ANKRD44: variants seen among roughly 807,000 people sequenced by gnomAD.
ANKRD44 encodes the protein ankyrin repeat domain 44, also known as serine/threonine-protein phosphatase 6 regulatory ankyrin repeat subunit B.
In ANKRD44, 35 loss-of-function variants were observed where a neutral mutation model predicts 116.0. That is an observed-to-expected ratio of 0.30 (90% CI 0.23 to 0.40). ANKRD44 has a LOEUF of 0.40. Among genes scored for constraint, ANKRD44 ranks in the 10% least tolerant of loss-of-function variants. The pLI is 1.00. For synonymous variants in ANKRD44, 435 were observed against 461.8 expected (o/e 0.94, Z 0.74); for missense variants, 1,014 against 1,242.6 (o/e 0.82, Z 2.77).
At chr2:197,122,213 T>A (rs940549373) in intron 7 of ANKRD44, among the ~76,000 whole-genome samples, 7 of 152,194 alleles carry the variant, frequency 4.6e-5, no homozygotes, top group African/African-American at 1.7e-4. Flanking sequence ...GCCTCACCAC[T>A]GCTCCTGTTC....
intron 3 of ANKRD44, among the ~76,000 whole-genome samples, chr2:197,144,976 G>A (rs1468178723): frequency 6.6e-6 from 1 of 152,182 alleles, no homozygotes; most frequent in African/African-American, 2.4e-5. Flanking sequence ...GAGACTCTGA[G>A]AGGTCTATTA....
chr2:197,147,155 G>T (rs1451738297), intron 2 of ANKRD44, 50 bp from the exon 3 acceptor site: 14 of 1,526,086 alleles, frequency 9.2e-6, no homozygotes, highest in Non-Finnish European at 1.2e-5. Context: ...GCAGCTGGAG[G>T]TCCCTTTTGT....
intron 16 of ANKRD44, among the ~76,000 whole-genome samples, chr2:197,039,663 G>C (rs1303356825): frequency 7.3e-6 from 1 of 136,890 alleles, no homozygotes; most frequent in Non-Finnish European, 1.6e-5. Context: ...GTGTGTGGTG[G>C]TGATTGTGTG....
chr2:197,013,384 G>A, intron 18 of ANKRD44, 127 bp downstream of exon 18: 1 of 1,043,198 alleles, frequency 9.6e-7, no homozygotes, highest in Non-Finnish European at 1.4e-6. Context: ...AAGTGTGGAA[G>A]TGCATCTGAT....
chr2:197,180,903 G>A (rs1317182391), intron 2 of ANKRD44, among the ~76,000 whole-genome samples: 1 of 152,064 alleles, frequency 6.6e-6, no homozygotes, highest in Non-Finnish European at 1.5e-5. Context: ...CATATTACAA[G>A]CTTGCTATTG....
At chr2:197,151,509 T>G (rs1020780992) in intron 2 of ANKRD44, among the ~76,000 whole-genome samples, 1 of 152,014 alleles carries the variant, frequency 6.6e-6, no homozygotes, top group Non-Finnish European at 1.5e-5. Flanking sequence ...TACCAAAACA[T>G]GATGCTAGAC....
At chr2:196,979,851 C>T (rs1382944544) in intron 21 of ANKRD44, among the ~76,000 whole-genome samples, 1 of 151,954 alleles carries the variant, frequency 6.6e-6, no homozygotes, top group African/African-American at 2.4e-5. Flanking sequence ...CATGAGCCAC[C>T]GTGCCCGGCC....
intron 16 of ANKRD44, among the ~76,000 whole-genome samples, chr2:197,077,376 C>T (rs370216764): frequency 1.4e-3 from 219 of 152,224 alleles, no homozygotes; most frequent in African/African-American, 5.1e-3. Context: ...GAACCCTTTC[C>T]TCCTGTCTTA....
At chr2:197,211,455 A>G (rs902853869) in intron 1 of ANKRD44, among the ~76,000 whole-genome samples, 1 of 152,226 alleles carries the variant, frequency 6.6e-6, no homozygotes, top group African/African-American at 2.4e-5. Context: ...TACCTGTAAC[A>G]GAAGACAAGA....
chr2:197,211,883 C>A (rs1349496743), intron 1 of ANKRD44, among the ~76,000 whole-genome samples: 1 of 152,006 alleles, frequency 6.6e-6, no homozygotes, highest in Non-Finnish European at 1.5e-5. Flanking sequence ...ATCGACAGAT[C>A]CAGACCAACA....
intron 1 of ANKRD44, among the ~76,000 whole-genome samples, chr2:197,200,993 T>C (rs1019618127): frequency 6.6e-6 from 1 of 152,236 alleles, no homozygotes; most frequent in Non-Finnish European, 1.5e-5. Context: ...ATATATAGTA[T>C]GCCTTGAGAC....
chr2:197,271,573 T>C (rs191813820), intron 1 of ANKRD44, among the ~76,000 whole-genome samples: 1 of 152,394 alleles, frequency 6.6e-6, no homozygotes, highest in East Asian at 1.9e-4. Flanking sequence ...TTTTTTAATG[T>C]AGCCATAGCC....
chr2:197,171,996 C>CTTTTTTTTT (rs1559122763), intron 2 of ANKRD44, among the ~76,000 whole-genome samples: 3 of 29,318 alleles, frequency 1.0e-4, no homozygotes, highest in Non-Finnish European at 2.8e-4. Context: ...CGTTATTTTT[C>CTTTTTTTTT]TTCTTTTTTT....
intron 12 of ANKRD44, 84 bp from the exon 13 acceptor site, chr2:197,086,832 C>A: frequency 7.9e-7 from 1 of 1,269,760 alleles, no homozygotes. Flanking sequence ...CTGCAGAGTA[C>A]AGGACCAGAT....
chr2:197,143,246 A>T (rs554004630), intron 3 of ANKRD44, among the ~76,000 whole-genome samples: 36 of 150,128 alleles, frequency 2.4e-4, no homozygotes, highest in Non-Finnish European at 5.0e-4. Flanking sequence ...CATGTGCACA[A>T]TGTGCAGGTT....
At chr2:197,236,104 A>G (rs1462656835) in intron 1 of ANKRD44, among the ~76,000 whole-genome samples, 1 of 152,186 alleles carries the variant, frequency 6.6e-6, no homozygotes, top group Non-Finnish European at 1.5e-5. Context: ...TAAAGATTCA[A>G]CAAATGCCCA....
downstream of ANKRD44, among the ~76,000 whole-genome samples, chr2:196,984,143 G>T (rs551519927): frequency 3.9e-5 from 6 of 152,010 alleles, no homozygotes; most frequent in African/African-American, 9.7e-5. Flanking sequence ...CATTGATGAA[G>T]AAATGATTCA....
At chr2:197,308,042 C>T (rs1404988784) in intron 1 of ANKRD44, among the ~76,000 whole-genome samples, 19 of 151,988 alleles carry the variant, frequency 1.3e-4, no homozygotes, top group Non-Finnish European at 8.8e-5. Context: ...TGGTGGCACA[C>T]GCGCCCATAG....
chr2:197,175,844 T>G (rs1404684259), intron 2 of ANKRD44, among the ~76,000 whole-genome samples: 1 of 152,164 alleles, frequency 6.6e-6, no homozygotes, highest in Admixed American at 6.5e-5. Context: ...ATTTCCTAGG[T>G]CACAAAAGGC....
Sources: gnomAD v4.1 joint callset for allele counts (sites outside exome capture counted in the v4.1 genomes callset) on GRCh38, gnomAD v4.1.1 for gene constraint, MANE v1.5 for transcripts, NCBI Gene and HGNC (gene_info 2026-07-23, HGNC 2026-07-21) for gene names.